The following RNF220 variants were observed in gnomAD, a reference collection of about 807,000 sequenced individuals.
The protein encoded by RNF220 is E3 ubiquitin-protein ligase RNF220.
Under a neutral mutation model 67.1 loss-of-function variants are expected in RNF220, and 7 were observed. The observed-to-expected ratio is 0.10, with a 90% CI of 0.06 to 0.20. The LOEUF is 0.20. RNF220 is among the 10% of genes least tolerant of loss of function. RNF220 has a pLI of 1.00. For synonymous variants in RNF220, 270 were observed against 283.2 expected (o/e 0.95, Z 0.47); for missense variants, 565 against 740.3 (o/e 0.76, Z 2.75).
At chr1:44,556,412 C>G (rs1428172708) in intron 2 of RNF220, among the ~76,000 whole-genome samples, 1 of 150,676 alleles carries the variant, frequency 6.6e-6, no homozygotes, top group Non-Finnish European at 1.5e-5. Flanking sequence ...GCTCCCTAGT[C>G]AATTAATGAT....
chr1:44,503,697 G>A (rs1658145711), intron 2 of RNF220, among the ~76,000 whole-genome samples: 1 of 152,176 alleles, frequency 6.6e-6, no homozygotes, highest in Non-Finnish European at 1.5e-5. Flanking sequence ...AAGGCATTGA[G>A]AAAGTTAACC....
chr1:44,482,356 G>A (rs1320872120), intron 2 of RNF220, among the ~76,000 whole-genome samples: 1 of 152,138 alleles, frequency 6.6e-6, no homozygotes, highest in Non-Finnish European at 1.5e-5. Context: ...GAGGGGTGGA[G>A]GGCAGTTGCT....
At chr1:44,483,785 A>G (rs1044665618) in intron 2 of RNF220, among the ~76,000 whole-genome samples, 5 of 152,190 alleles carry the variant, frequency 3.3e-5, no homozygotes, top group South Asian at 4.1e-4. Context: ...TTGCTTTTGC[A>G]TATTTCATTA....
chr1:44,615,683 G>T (rs1277521376), intron 3 of RNF220, among the ~76,000 whole-genome samples: 1 of 152,160 alleles, frequency 6.6e-6, no homozygotes, highest in African/African-American at 2.4e-5. Context: ...GGGAAGAACT[G>T]GAGCTTGGGG....
At chr1:44,599,534 G>T (rs1666774566) in intron 2 of RNF220, among the ~76,000 whole-genome samples, 1 of 152,146 alleles carries the variant, frequency 6.6e-6, no homozygotes, top group African/African-American at 2.4e-5. Flanking sequence ...GCATGGTGGT[G>T]TGTGCCTGTA....
chr1:44,462,994 T>C (rs1653930571), intron 2 of RNF220, among the ~76,000 whole-genome samples: 1 of 149,856 alleles, frequency 6.7e-6, no homozygotes, highest in African/African-American at 2.5e-5. Flanking sequence ...GCCACTACAC[T>C]CCACCCTGGG....
intron 2 of RNF220, among the ~76,000 whole-genome samples, chr1:44,602,473 GA>G (rs1338598491): frequency 1.3e-5 from 2 of 152,080 alleles, no homozygotes; most frequent in African/African-American, 4.8e-5. Context: ...ACTGCGGATG[GA>G]GAGGAGTTTA....
intron 2 of RNF220, among the ~76,000 whole-genome samples, chr1:44,426,806 C>A (rs185694675): frequency 1.3e-5 from 2 of 151,798 alleles, no homozygotes; most frequent in African/African-American, 4.8e-5. Flanking sequence ...TTTAATAGAC[C>A]AGTAACAAGC....
At chr1:44,419,398 T>A (rs1648963770) in intron 2 of RNF220, 1 of 152,254 alleles carries the variant, frequency 6.6e-6, no homozygotes, top group African/African-American at 2.4e-5. Context: ...AATGATAGGC[T>A]GTAGTATGAA....
chr1:44,453,146 A>G (rs1008004328), intron 2 of RNF220, among the ~76,000 whole-genome samples: 2 of 152,196 alleles, frequency 1.3e-5, no homozygotes, highest in Non-Finnish European at 2.9e-5. Context: ...GAAAAGGATT[A>G]ATTTTTGTGG....
At chr1:44,473,055 C>T (rs143670499) in intron 2 of RNF220, among the ~76,000 whole-genome samples, 56 of 152,270 alleles carry the variant, frequency 3.7e-4, no homozygotes, top group African/African-American at 1.2e-3. Flanking sequence ...TGTTTCCCCA[C>T]GTCCTCTGCT....
intron 6 of RNF220, chr1:44,632,622 C>T (rs1316317380): frequency 8.6e-6 from 5 of 578,746 alleles, no homozygotes; most frequent in Non-Finnish European, 1.5e-5. Flanking sequence ...CTGAAGAACC[C>T]TGGGGGGGCA....
At chr1:44,544,994 A>G (rs1300226597) in intron 2 of RNF220, among the ~76,000 whole-genome samples, 1 of 152,262 alleles carries the variant, frequency 6.6e-6, no homozygotes, top group African/African-American at 2.4e-5. Flanking sequence ...CCAAGTGTCA[A>G]GCATGGCTCT....
In RNF220 at chr1:44,650,290, C is replaced by T. The variant is rs1235622224; in HGVS notation, c.1629+333C>T. The T allele has an allele frequency of 4.0e-6, 2 of 503,566 alleles. No homozygotes were observed. Among genetic ancestry groups the T allele is most frequent in the Admixed American group, 3.4e-5 (1 of 29,040 alleles). The allele number at this position is 503,566 out of a possible 1,614,324, so 31.2% of individuals were successfully genotyped here. A position where few individuals can be genotyped will look rare whatever the true frequency, so the allele number is the denominator to read the frequency against. ...GTAAACAGGACCAGGGCCTTGGCCC[C>T]TCCCCCTCCCATTACTAAGCTCCTT... On this transcript the variant is annotated intron_variant, in intron 14 of 14. Transcript: ENST00000361799. This position sits in a 1 kb window ranked among gnomAD's most constrained non-coding sequence, Gnocchi z 4.3.
intron 8 of RNF220, chr1:44,636,641 G>A (rs1644340266): frequency 1.7e-6 from 1 of 583,930 alleles, no homozygotes; most frequent in Middle Eastern, 4.5e-4. Context: ...CAGTTACAGA[G>A]GAGAGTGAGT....
chr1:44,543,018 G>A (rs1661799498), intron 2 of RNF220, among the ~76,000 whole-genome samples: 1 of 152,202 alleles, frequency 6.6e-6, no homozygotes, highest in Non-Finnish European at 1.5e-5. Context: ...GGTGAGCCCA[G>A]GCGCCTGCCA....
chr1:44,480,609 A>T (rs1655710704), intron 2 of RNF220, among the ~76,000 whole-genome samples: 1 of 152,156 alleles, frequency 6.6e-6, no homozygotes, highest in Non-Finnish European at 1.5e-5. Flanking sequence ...AGTGTTTTAA[A>T]AGAGAAAATG....
intron 2 of RNF220, among the ~76,000 whole-genome samples, chr1:44,596,653 A>G (rs1273081684): frequency 6.6e-6 from 1 of 152,148 alleles, no homozygotes; most frequent in Non-Finnish European, 1.5e-5. Context: ...AATAAAGGAA[A>G]AACGATAGGG....
Position 44,650,785 on chromosome 1 carries a change from C to G in RNF220, c.*10C>G. 6.2e-7 allele frequency: 1 copy of G among 1,612,936 alleles called. No homozygotes were observed. On this transcript the variant is annotated 3_prime_UTR_variant, in exon 15 of 15. Coordinates refer to ENST00000361799, the MANE Select transcript of RNF220 (RefSeq NM_018150.4). This position sits in a 1 kb window ranked among gnomAD's most constrained non-coding sequence, Gnocchi z 4.3. ...GAGGATCTACTTGTGAGCTATCTGC[C>G]CCAGGCAGGCCTCGCCTCCAGCAGC...
Sources: gnomAD v4.1 joint callset for allele counts (sites outside exome capture counted in the v4.1 genomes callset) on GRCh38, gnomAD v4.1.1 for gene constraint, Gnocchi (gnomAD v3.1) non-coding constraint, MANE v1.5 for transcripts, NCBI Gene and HGNC (gene_info 2026-07-23, HGNC 2026-07-21) for gene names.